The following AP3M2 variants were observed in gnomAD, a reference collection of about 807,000 sequenced individuals.
AP3M2 encodes the protein AP-3 complex subunit mu-2.
A neutral mutation model predicts 41.6 loss-of-function variants in AP3M2; 28 were observed. That is an observed-to-expected ratio of 0.67 (90% CI 0.50 to 0.92). AP3M2 has a LOEUF of 0.92. Ranked by LOEUF, AP3M2 falls within the 40% of genes least tolerant of loss-of-function variation. AP3M2 has a pLI of 0.00. For missense variants in AP3M2, 427 were observed against 521.4 expected, an observed-to-expected ratio of 0.82 and a Z score of 1.76; for synonymous variants, 193 against 186.4, an observed-to-expected ratio of 1.04 and a Z score of -0.29.
chr8:42,158,042 C>A lies in AP3M2; in HGVS notation c.375C>A (p.Thr125=), dbSNP rs113481990. The change falls in exon 3 of 9, where the codon ACC becomes ACA. Residue 125 remains threonine, a synonymous_variant. Coordinates refer to ENST00000396926, the MANE Select transcript of AP3M2 (RefSeq NM_006803.4). The part of the protein sequence containing the change: ...EMLDNGFPLA[T]ESNILKELIK... ...TTGACAATGGTTTTCCATTGGCTAC[C>A]GAGTCGAACATTCTTAAAGAACTCA... 49 of 1,613,948 alleles carry A rather than the reference C, an allele frequency of 3.0e-5. 2 individuals carry two copies. The highest frequency in any genetic ancestry group is 2.5e-4 in the African/African-American group (19 of 74,866).
chr8:42,161,384 G>A (rs1587915031), intron 3 of AP3M2, among the ~76,000 whole-genome samples: 1 of 152,138 alleles, frequency 6.6e-6, no homozygotes, highest in Non-Finnish European at 1.5e-5. Context: ...GCCGAGTTGG[G>A]TGGATCATTA....
chr8:42,164,494 G>A (rs1804587197), intron 4 of AP3M2, among the ~76,000 whole-genome samples: 2 of 152,212 alleles, frequency 1.3e-5, no homozygotes, highest in South Asian at 4.1e-4. Context: ...AACTGAAAAA[G>A]CATTTAAGGG....
At chr8:42,167,595 A>C in intron 7 of AP3M2, 71 bp from the exon 8 acceptor site, 1 of 1,546,994 alleles carries the variant, frequency 6.5e-7, no homozygotes, top group Non-Finnish European at 8.7e-7. Context: ...GATCTCAGCC[A>C]CCTCAAATGC....
chr8:42,164,693 G>T (rs1804593518), intron 4 of AP3M2, among the ~76,000 whole-genome samples: 2 of 152,306 alleles, frequency 1.3e-5, no homozygotes, highest in African/African-American at 4.8e-5. Context: ...GAGCTCATTG[G>T]TGACCTTAGG....
intron 5 of AP3M2, 133 bp downstream of exon 5, chr8:42,165,289 T>A: frequency 1.4e-6 from 2 of 1,443,706 alleles, no homozygotes; most frequent in Non-Finnish European, 1.9e-6. Context: ...AGGCTTGAAT[T>A]TTCTAGAAGT....
chr8:42,162,957 AAAAAAAAAAAAAAAG>A (rs1804547296), intron 4 of AP3M2, among the ~76,000 whole-genome samples: 1 of 119,136 alleles, frequency 8.4e-6, no homozygotes, highest in Non-Finnish European at 2.0e-5. Context: ...AAAAAAAAAA[AAAAAAAAAAAAAAAG>A]TAACAAATTA....
chr8:42,170,055 T>C lies in AP3M2; in HGVS notation c.*994T>C, dbSNP rs1804754783. The C allele has an allele frequency of 6.6e-6, 1 of 152,138 alleles. No homozygotes were observed. Among genetic ancestry groups the C allele is most frequent in the Non-Finnish European group, 1.5e-5 (1 of 68,022 alleles). 9.4% of individuals were successfully genotyped at this position (152,138 alleles called of 1,614,324 possible). On this transcript the variant is annotated 3_prime_UTR_variant, in exon 9 of 9. Transcript: ENST00000396926. ...TGGAGTAGAGGGCCGACTCTTCCCA[T>C]GAAGGTGAGCACAGCTGTGAGTGAG...
intron 8 of AP3M2, among the ~76,000 whole-genome samples, chr8:42,168,401 CTT>C (rs1554711543): frequency 6.6e-6 from 1 of 152,090 alleles, no homozygotes; most frequent in Non-Finnish European, 1.5e-5. Context: ...AAGGAGATGA[CTT>C]TAGCTTTATA....
intron 3 of AP3M2, 138 bp downstream of exon 3, chr8:42,158,250 G>T (rs13249252): frequency 0.034 from 7,644 of 226,544 alleles, 63 homozygotes; most frequent in Non-Finnish European, 0.036. Context: ...CTTTGTAGTT[G>T]TTTTTTTTTT....
intron 8 of AP3M2, chr8:42,168,379 C>T (rs1804698877): frequency 3.0e-6 from 1 of 336,688 alleles, no homozygotes; most frequent in Admixed American, 4.0e-5. Context: ...CTTAGAAACT[C>T]TGTGATGTGG....
At chr8:42,155,355 G>A (rs1192514100) in intron 2 of AP3M2, among the ~76,000 whole-genome samples, 2 of 152,176 alleles carry the variant, frequency 1.3e-5, no homozygotes, top group African/African-American at 4.8e-5. Flanking sequence ...AGAAAAAGTA[G>A]AAAAAGCTAA....
intron 4 of AP3M2, 78 bp from the exon 5 acceptor site, chr8:42,164,993 A>G: frequency 8.1e-7 from 1 of 1,234,788 alleles, no homozygotes; most frequent in Non-Finnish European, 1.1e-6. Flanking sequence ...GAAGAGAAGG[A>G]GGGAGGAGAT....
chr8:42,155,072 G>T (rs1804321782), intron 2 of AP3M2, 112 bp downstream of exon 2: 3 of 887,400 alleles, frequency 3.4e-6, no homozygotes, highest in East Asian at 2.4e-5. Flanking sequence ...TCAAAACTCT[G>T]GTATTACTCA....
intron 2 of AP3M2, chr8:42,156,040 G>C (rs569579234): frequency 2.8e-6 from 1 of 351,416 alleles, no homozygotes; most frequent in East Asian, 1.0e-4. Flanking sequence ...CAGTGAAAAC[G>C]TAAGTATAAG....
chr8:42,156,601 TTTC>T (rs1004600018), intron 2 of AP3M2, among the ~76,000 whole-genome samples: 1 of 152,232 alleles, frequency 6.6e-6, no homozygotes, highest in African/African-American at 2.4e-5. Flanking sequence ...TGTGTGACTT[TTTC>T]TTCTTTTAAA....
At chr8:42,160,442 C>A (rs1458865823) in intron 3 of AP3M2, among the ~76,000 whole-genome samples, 2 of 152,042 alleles carry the variant, frequency 1.3e-5, no homozygotes, top group African/African-American at 4.8e-5. Flanking sequence ...TTAGGGCAGT[C>A]AGCTTCAATA....
chr8:42,159,215 C>T (rs770719208), intron 3 of AP3M2, among the ~76,000 whole-genome samples: 2 of 152,200 alleles, frequency 1.3e-5, no homozygotes, highest in African/African-American at 2.4e-5. Flanking sequence ...ACCATTCTTA[C>T]ACTTGAACCT....
chr8:42,156,068 A>C, intron 2 of AP3M2: 1 of 453,444 alleles, frequency 2.2e-6, no homozygotes, highest in South Asian at 1.6e-5. Context: ...ATGTGGAAGA[A>C]CTAGAAGAAC....
intron 2 of AP3M2, among the ~76,000 whole-genome samples, 197 bp from the exon 3 acceptor site, chr8:42,157,744 C>A (rs183904527): frequency 6.6e-6 from 1 of 152,274 alleles, no homozygotes; most frequent in East Asian, 1.9e-4. Flanking sequence ...GACAGTAGTA[C>A]CATAAGCCAG....
Sources: allele counts gnomAD v4.1 joint callset (sites outside exome capture counted in the v4.1 genomes callset), GRCh38; gene constraint gnomAD v4.1.1; transcripts MANE v1.5; gene names NCBI Gene and HGNC (gene_info 2026-07-23, HGNC 2026-07-21).